Variants in GRIA1 observed in about 807,000 individuals in gnomAD.
GRIA1 encodes the protein glutamate receptor 1.
A neutral mutation model predicts 99.2 loss-of-function variants in GRIA1; 31 were observed. The observed-to-expected ratio is 0.31, with a 90% CI of 0.23 to 0.42. The LOEUF (loss-of-function observed/expected upper bound fraction) is 0.42. Ranked by LOEUF, GRIA1 falls within the 10% of genes least tolerant of loss-of-function variation. GRIA1 has a pLI of 1.00. For missense variants in GRIA1, 782 were observed against 1,157.5 expected (o/e 0.68, Z 4.71); for synonymous variants, 438 against 432.4 (o/e 1.01, Z -0.16).
intron 2 of GRIA1, among the ~76,000 whole-genome samples, chr5:153,560,134 A>T (rs1304988690): frequency 2.6e-5 from 4 of 152,166 alleles, no homozygotes; most frequent in Non-Finnish European, 5.9e-5. Flanking sequence ...CATGCTATTG[A>T]CCAACTCCTG....
At chr5:153,508,353 A>G (rs1755737411) in intron 2 of GRIA1, among the ~76,000 whole-genome samples, 1 of 152,216 alleles carries the variant, frequency 6.6e-6, no homozygotes, top group Admixed American at 6.5e-5. Context: ...TCTTTCATGT[A>G]ATTTAATTTT....
At chr5:153,808,074 G>A (rs1766560634) in intron 15 of GRIA1, among the ~76,000 whole-genome samples, 1 of 152,246 alleles carries the variant, frequency 6.6e-6, no homozygotes, top group African/African-American at 2.4e-5. Context: ...AGACATTACT[G>A]AAGTTTAAGC....
At chr5:153,774,011 C>A (rs566046448) in intron 13 of GRIA1, among the ~76,000 whole-genome samples, 87 of 152,134 alleles carry the variant, frequency 5.7e-4, no homozygotes, top group African/African-American at 2.0e-3. Context: ...ACAAAACACA[C>A]CATTAAAGAA....
intron 2 of GRIA1, among the ~76,000 whole-genome samples, chr5:153,551,225 G>A (rs775976334): frequency 7.2e-5 from 11 of 152,154 alleles, no homozygotes; most frequent in Non-Finnish European, 1.5e-4. Flanking sequence ...GTCATGCATA[G>A]TTAATGTATG....
chr5:153,684,913 A>G (rs901901183), intron 7 of GRIA1, among the ~76,000 whole-genome samples: 4 of 152,116 alleles, frequency 2.6e-5, no homozygotes, highest in African/African-American at 9.7e-5. Context: ...TGAGACTTCA[A>G]ACCAGAAGGT....
rs1462506083 is a variant in GRIA1, at chr5:153,770,419, A to T, written c.2270+4A>T. The T allele has an allele frequency of 6.2e-7, 1 of 1,608,816 alleles. No individual in the cohort carries two copies. Among genetic ancestry groups the T allele is most frequent in the Middle Eastern group, 1.7e-4 (1 of 5,936 alleles). On this transcript the variant is annotated splice_donor_region_variant and intron_variant, in intron 13 of 15. Coordinates refer to ENST00000285900, the MANE Select transcript of GRIA1 (RefSeq NM_000827.4). ...CACCCAAGGGGTCTGCCCTGAGGTA[A>T]GTAGCCAAGATTTGCTTCCTTGGTA... is the stretch of plus-strand genomic sequence containing the variant.
At chr5:153,568,524 A>G (rs1761851308) in intron 2 of GRIA1, among the ~76,000 whole-genome samples, 1 of 152,180 alleles carries the variant, frequency 6.6e-6, no homozygotes. Context: ...TTACTGAGTC[A>G]GAAGACTAAT....
chr5:153,604,234 T>C (rs528034994), intron 2 of GRIA1, among the ~76,000 whole-genome samples: 2 of 152,124 alleles, frequency 1.3e-5, no homozygotes, highest in Admixed American at 6.5e-5. Context: ...GGGTGACCCC[T>C]AACTTTGCCA....
intron 2 of GRIA1, among the ~76,000 whole-genome samples, chr5:153,495,286 T>A (rs568056727): frequency 6.6e-6 from 1 of 152,356 alleles, no homozygotes; most frequent in South Asian, 2.1e-4. Flanking sequence ...CACTAATTGC[T>A]TTTTATGTGT....
intron 11 of GRIA1, among the ~76,000 whole-genome samples, chr5:153,760,871 A>G (rs776316051): frequency 2.0e-5 from 3 of 152,068 alleles, no homozygotes; most frequent in Admixed American, 6.6e-5. Flanking sequence ...CCAGAAATTA[A>G]TCTACACATT....
intron 2 of GRIA1, among the ~76,000 whole-genome samples, chr5:153,515,948 T>C (rs55935294): frequency 0.43 from 64,656 of 151,850 alleles, 14,825 homozygotes; most frequent in East Asian, 0.76. Context: ...AGGCTGGGAG[T>C]GGTGGCTCAC....
chr5:153,617,264 G>C (rs1268530845), intron 2 of GRIA1, among the ~76,000 whole-genome samples: 2 of 152,212 alleles, frequency 1.3e-5, no homozygotes, highest in African/African-American at 4.8e-5. Flanking sequence ...TTAAGAGCTA[G>C]ATATCAAAAT....
In GRIA1 at chr5:153,704,433, G is replaced by A. The variant is rs988545167; in HGVS notation, c.1453-1264G>A. ...GGATTTCTGTTGAGTAGATGCCAGT[G>A]CTTCTGCCATTGGAGAGAGGTAGGA... On this transcript the variant is annotated intron_variant, in intron 10 of 15. Coordinates refer to ENST00000285900, the MANE Select transcript of GRIA1 (RefSeq NM_000827.4). 4.6e-5 allele frequency among the ~76,000 whole-genome samples: 7 copies of A among 152,202 alleles called. No homozygotes were observed. In the East Asian group the frequency reaches 5.8e-4, roughly 13 times the overall value.
chr5:153,687,076 C>T (rs563973892), intron 8 of GRIA1, among the ~76,000 whole-genome samples: 55 of 152,298 alleles, frequency 3.6e-4, no homozygotes, highest in African/African-American at 1.3e-3. Context: ...CCCTCCTCAG[C>T]CTTCCACACT....
At chr5:153,629,053 A>C (rs1752735835) in intron 2 of GRIA1, among the ~76,000 whole-genome samples, 1 of 152,224 alleles carries the variant, frequency 6.6e-6, no homozygotes, top group African/African-American at 2.4e-5. Flanking sequence ...AAAATTGTCA[A>C]GTTTGTACAG....
chr5:153,801,591 G>A (rs1766029082), intron 14 of GRIA1, among the ~76,000 whole-genome samples: 2 of 152,174 alleles, frequency 1.3e-5, no homozygotes, highest in Non-Finnish European at 1.5e-5. Flanking sequence ...TCAGGCAACA[G>A]ATATTTCTAA....
intron 11 of GRIA1, 79 bp from the exon 12 acceptor site, chr5:153,764,355 G>C (rs552434399): frequency 9.4e-7 from 1 of 1,067,902 alleles, no homozygotes; most frequent in Non-Finnish European, 1.5e-6. Context: ...GCCAAGCCCC[G>C]GACCCGTGCT....
chr5:153,509,987 TA>T (rs1402525267), intron 2 of GRIA1, among the ~76,000 whole-genome samples: 9 of 152,216 alleles, frequency 5.9e-5, no homozygotes, highest in African/African-American at 2.2e-4. Context: ...AGGAGATCTC[TA>T]GATCTAAAGT....
At chr5:153,612,778 C>T (rs775263559) in intron 2 of GRIA1, among the ~76,000 whole-genome samples, 1 of 152,178 alleles carries the variant, frequency 6.6e-6, no homozygotes, top group Non-Finnish European at 1.5e-5. Context: ...CTGCAAGCTT[C>T]GTAGGATACC....
Sources: allele counts gnomAD v4.1 joint callset (sites outside exome capture counted in the v4.1 genomes callset), GRCh38; gene constraint gnomAD v4.1.1; transcripts MANE v1.5; gene names NCBI Gene and HGNC (gene_info 2026-07-23, HGNC 2026-07-21).